Variants in C3orf70 observed in about 807,000 individuals in gnomAD.
C3orf70 encodes the protein chromosome 3 open reading frame 70.
C3orf70 carries 15 observed loss-of-function variants against 20.7 expected under a neutral mutation model. The observed-to-expected ratio is 0.72, with a 90% CI of 0.48 to 1.11. C3orf70 has a LOEUF of 1.11. Among genes scored for constraint, C3orf70 ranks in the 50% most tolerant of loss-of-function variants. The probability of loss-of-function intolerance (pLI) is 0.00; values close to 1 mark genes in which losing one functional copy is unlikely to be tolerated. For missense variants in C3orf70, 332 were observed against 317.6 expected, an observed-to-expected ratio of 1.05 and a Z score of -0.34; for synonymous variants, 161 against 125.7, an observed-to-expected ratio of 1.28 and a Z score of -1.88.
chr3:185,123,395 A>G (rs922411521), intron 1 of C3orf70, among the ~76,000 whole-genome samples: 3 of 152,132 alleles, frequency 2.0e-5, no homozygotes, highest in African/African-American at 7.2e-5. Context: ...TCATCAAAAC[A>G]CTTAGATTGA....
intron 1 of C3orf70, among the ~76,000 whole-genome samples, chr3:185,127,849 G>A (rs62289817): frequency 0.059 from 9,026 of 152,164 alleles, 379 homozygotes; most frequent in South Asian, 0.11. Context: ...AAAAAATTGA[G>A]ACGTTGAAAA....
At chr3:185,104,090 C>T (rs901647307) in intron 1 of C3orf70, among the ~76,000 whole-genome samples, 1 of 152,206 alleles carries the variant, frequency 6.6e-6, no homozygotes, top group African/African-American at 2.4e-5. Flanking sequence ...CTTATAAAAG[C>T]TTTTGAGTTC....
chr3:185,111,626 T>C (rs2108596068), intron 1 of C3orf70, among the ~76,000 whole-genome samples: 1 of 152,232 alleles, frequency 6.6e-6, no homozygotes, highest in East Asian at 1.9e-4. Context: ...GGATGTAAAA[T>C]GGTATACAGC....
chr3:185,121,905 C>T (rs1716305604), intron 1 of C3orf70, among the ~76,000 whole-genome samples: 1 of 152,168 alleles, frequency 6.6e-6, no homozygotes, highest in African/African-American at 2.4e-5. Flanking sequence ...CAAGACCATC[C>T]TGGCTAACAC....
At chr3:185,099,572 A>T (rs1438446065) in intron 1 of C3orf70, among the ~76,000 whole-genome samples, 1 of 152,234 alleles carries the variant, frequency 6.6e-6, no homozygotes, top group Admixed American at 6.5e-5. Flanking sequence ...TGAAGGAAGG[A>T]GTAAATATGG....
intron 1 of C3orf70, among the ~76,000 whole-genome samples, chr3:185,103,951 A>C (rs910110698): frequency 6.6e-6 from 1 of 152,196 alleles, no homozygotes; most frequent in African/African-American, 2.4e-5. Context: ...ACAGTTATAC[A>C]AACAAGAGAA....
intron 1 of C3orf70, among the ~76,000 whole-genome samples, chr3:185,134,116 C>CTCATATATATATATATATATATATAT (rs71298571): frequency 1.0e-4 from 14 of 134,656 alleles, no homozygotes; most frequent in South Asian, 5.1e-4. Context: ...AAAAATACAT[C>CTCATATATATATATATATATATATAT]ATATATATAT....
chr3:185,129,205 G>T (rs1175760741), intron 1 of C3orf70, among the ~76,000 whole-genome samples: 1 of 152,290 alleles, frequency 6.6e-6, no homozygotes, highest in East Asian at 1.9e-4. Context: ...CCAACAGGTA[G>T]TTTTGCAATC....
chr3:185,149,167 C>T (rs1417908128), intron 1 of C3orf70, among the ~76,000 whole-genome samples: 6 of 152,194 alleles, frequency 3.9e-5, no homozygotes, highest in Admixed American at 3.3e-4. Context: ...CCAAGGCAAG[C>T]GGATCACCTG....
rs144730633 is a variant in C3orf70, at chr3:185,077,788, GT to G, written c.*5218del. 1.9e-3 allele frequency among the ~76,000 whole-genome samples: 243 copies of G among 128,764 alleles called. 2 individuals carry two copies. The highest frequency in any genetic ancestry group is 5.9e-3 in the African/African-American group (171 of 28,764). The allele number at this position is 128,764 out of a possible 152,430, so 84.5% of individuals were successfully genotyped here. A position where few individuals can be genotyped will look rare whatever the true frequency, so the allele number is the denominator to read the frequency against. On this transcript the variant is annotated 3_prime_UTR_variant, in exon 2 of 2. Transcript: ENST00000335012. ...GTGAAATAAATGCTATTTGGTGGTG[GT>G]GGGGGGGGGGTATCAAGTTTTATTT...
At chr3:185,132,715 A>G (rs1241348382) in intron 1 of C3orf70, among the ~76,000 whole-genome samples, 1 of 152,226 alleles carries the variant, frequency 6.6e-6, no homozygotes, top group Non-Finnish European at 1.5e-5. Context: ...TTTGAAGAGC[A>G]GGTGGTCAGG....
intron 1 of C3orf70, among the ~76,000 whole-genome samples, chr3:185,111,593 G>C (rs1177222794): frequency 2.6e-5 from 4 of 152,224 alleles, no homozygotes; most frequent in African/African-American, 7.2e-5. Flanking sequence ...CAAGACTGTG[G>C]AGAACTGGAA....
rs932287922 is a variant in C3orf70, at chr3:185,104,474, G to C, written c.197-20911C>G. Reference sequence around the variant, plus strand: ...TTTGACCCAGCAATCCCATTACTAGGTAAATACCCAAAGGAATATAAAATC... The same window carrying C: ...TTTGACCCAGCAATCCCATTACTAGCTAAATACCCAAAGGAATATAAAATC... On this transcript the variant is annotated intron_variant, in intron 1 of 1. Coordinates refer to ENST00000335012, the MANE Select transcript of C3orf70 (RefSeq NM_001025266.3). 5.9e-5 allele frequency among the ~76,000 whole-genome samples: 9 copies of C among 152,238 alleles called. No homozygotes were observed. In the South Asian group the frequency reaches 1.0e-3, roughly 18 times the overall value.
chr3:185,090,171 T>G (rs1187344604), intron 1 of C3orf70, among the ~76,000 whole-genome samples: 2 of 152,212 alleles, frequency 1.3e-5, no homozygotes, highest in Non-Finnish European at 2.9e-5. Flanking sequence ...TGCCCTTAAC[T>G]TCAGCTAACA....
rs1716357700 is a variant in C3orf70 at position 185,123,791 on chromosome 3, GT to G, written c.196+28836del. 3.3e-5 allele frequency among the ~76,000 whole-genome samples: 5 copies of G among 152,212 alleles called. No homozygotes were observed. In the South Asian group the frequency reaches 1.0e-3, roughly 32 times the overall value. ...ACTGGCCTATGAAGTATTCTGTCATGTTTTTACATGTTTCTCAAATAAATCC... is the reference window on the plus strand; with the variant it reads ...ACTGGCCTATGAAGTATTCTGTCATGTTTTACATGTTTCTCAAATAAATCC... On this transcript the variant is annotated intron_variant, in intron 1 of 1. Coordinates refer to ENST00000335012, the MANE Select transcript of C3orf70 (RefSeq NM_001025266.3).
At chr3:185,120,033 A>AAGAAAAGAAAAAGAAAG (rs1553920937) in intron 1 of C3orf70, among the ~76,000 whole-genome samples, 6 of 100,750 alleles carry the variant, frequency 6.0e-5, no homozygotes, top group South Asian at 3.1e-4. Flanking sequence ...AAAAAAAAAA[A>AAGAAAAGAAAAAGAAAG]AAAAAGAAAA....
rs534789429 is a variant in C3orf70 at position 185,124,401 on chromosome 3, C to G, written c.196+28227G>C. On this transcript the variant is annotated intron_variant, in intron 1 of 1. Coordinates refer to ENST00000335012, the MANE Select transcript of C3orf70 (RefSeq NM_001025266.3). ...TGGCTAAAACAATTTTGAAAATGAA[C>G]AGTGAAGTTGGAAGACTCGCACTGC... Among the ~76,000 whole-genome samples, 7 of 152,258 alleles carry G rather than the reference C, an allele frequency of 4.6e-5. No homozygotes were observed. In the South Asian group the frequency reaches 1.5e-3, roughly 32 times the overall value.
At chr3:185,123,774 A>G (rs188697097) in intron 1 of C3orf70, among the ~76,000 whole-genome samples, 100 of 152,330 alleles carry the variant, frequency 6.6e-4, no homozygotes, top group African/African-American at 2.3e-3. Flanking sequence ...AAACTGGCCT[A>G]TGAAGTATTC....
At chr3:185,092,095 G>A (rs1232498530) in intron 1 of C3orf70, among the ~76,000 whole-genome samples, 3 of 149,954 alleles carry the variant, frequency 2.0e-5, no homozygotes, top group Admixed American at 6.7e-5. Flanking sequence ...CACTGTGCCC[G>A]GCCTGTTGGA....
Sources: gnomAD v4.1 joint callset for allele counts (sites outside exome capture counted in the v4.1 genomes callset) on GRCh38, gnomAD v4.1.1 for gene constraint, MANE v1.5 for transcripts, NCBI Gene and HGNC (gene_info 2026-07-23, HGNC 2026-07-21) for gene names.